The following KDM4C variants were observed in gnomAD, a reference collection of about 807,000 sequenced individuals.
KDM4C encodes lysine demethylase 4C.
KDM4C carries 81 observed loss-of-function variants against 129.3 expected under a neutral mutation model. The observed-to-expected ratio is 0.63, with a 90% CI of 0.52 to 0.75. The LOEUF is 0.75. Among genes scored for constraint, KDM4C ranks in the 30% least tolerant of loss-of-function variants. The pLI is 0.00. For missense variants in KDM4C, 1,457 were observed against 1,304.0 expected, an observed-to-expected ratio of 1.12 and a Z score of -1.81; for synonymous variants, 573 against 456.1, an observed-to-expected ratio of 1.26 and a Z score of -3.26.
intron 8 of KDM4C, among the ~76,000 whole-genome samples, chr9:6,915,393 C>T (rs7018886): frequency 0.53 from 79,860 of 151,968 alleles, 22,131 homozygotes; most frequent in Non-Finnish European, 0.64. Context: ...ATCATTTTTG[C>T]TGTATTGTCT....
chr9:7,173,746 G>A (rs912212766), intron 21 of KDM4C, among the ~76,000 whole-genome samples: 3 of 152,220 alleles, frequency 2.0e-5, no homozygotes, highest in African/African-American at 4.8e-5. Context: ...AGGAAGGACA[G>A]CAATGAAGAA....
At chr9:7,021,483 G>C (rs1288213956) in intron 15 of KDM4C, among the ~76,000 whole-genome samples, 3 of 152,080 alleles carry the variant, frequency 2.0e-5, no homozygotes, top group African/African-American at 7.2e-5. Context: ...GTTCAATTCA[G>C]ATCTTTTGCC....
chr9:6,868,126 A>G (rs1471854779), intron 5 of KDM4C, among the ~76,000 whole-genome samples: 1 of 152,024 alleles, frequency 6.6e-6, no homozygotes, highest in African/African-American at 2.4e-5. Flanking sequence ...CCCTCCCTGG[A>G]GGCACCTTGT....
At chr9:6,732,129 G>A (rs1374276029) in intron 1 of KDM4C, among the ~76,000 whole-genome samples, 1 of 151,822 alleles carries the variant, frequency 6.6e-6, no homozygotes, top group Non-Finnish European at 1.5e-5. Context: ...GCACTTGGGA[G>A]GCCAAGGTGG....
At chr9:6,732,420 T>G (rs1456791168) in intron 1 of KDM4C, among the ~76,000 whole-genome samples, 2 of 136,052 alleles carry the variant, frequency 1.5e-5, no homozygotes, top group East Asian at 2.3e-4. Flanking sequence ...CCGGAAGTTG[T>G]GGCTCACACA....
At chr9:6,925,793 T>G (rs1822383213) in intron 8 of KDM4C, 2 of 317,198 alleles carry the variant, frequency 6.3e-6, no homozygotes, top group Non-Finnish European at 9.1e-6. Flanking sequence ...TGTTTTAATT[T>G]TGTTTTTGGT....
intron 8 of KDM4C, among the ~76,000 whole-genome samples, chr9:6,979,444 G>T (rs185096521): frequency 3.5e-4 from 53 of 152,236 alleles, no homozygotes; most frequent in African/African-American, 1.3e-3. Context: ...AGCATAAGGG[G>T]CATTTGGGCT....
chr9:6,867,800 C>T (rs149244480), intron 5 of KDM4C, among the ~76,000 whole-genome samples: 102 of 152,280 alleles, frequency 6.7e-4, no homozygotes, highest in Middle Eastern at 3.4e-3. Flanking sequence ...AACTTACTAA[C>T]AGTTGACACA....
intron 12 of KDM4C, among the ~76,000 whole-genome samples, chr9:7,001,654 G>C (rs990732125): frequency 6.6e-6 from 1 of 152,090 alleles, no homozygotes; most frequent in South Asian, 2.1e-4. Flanking sequence ...GATCTGCCAC[G>C]TGATAACTCC....
chr9:6,757,721 C>G, upstream of KDM4C: 1 of 985,600 alleles, frequency 1.0e-6, no homozygotes, highest in South Asian at 4.7e-5. Context: ...CCCCAGCCAG[C>G]GCTTCCGGGC....
intron 4 of KDM4C, among the ~76,000 whole-genome samples, chr9:6,815,948 C>G (rs1386115524): frequency 6.6e-6 from 1 of 152,022 alleles, no homozygotes; most frequent in African/African-American, 2.4e-5. Flanking sequence ...GATAGTTCAC[C>G]CTGAATTATA....
intron 16 of KDM4C, among the ~76,000 whole-genome samples, chr9:7,048,817 C>T (rs1264373633): frequency 6.6e-6 from 1 of 152,014 alleles, no homozygotes; most frequent in Non-Finnish European, 1.5e-5. Flanking sequence ...CAGTATTTTG[C>T]AGATCAAGTG....
chr9:7,048,931 C>T (rs1829781536), intron 16 of KDM4C, among the ~76,000 whole-genome samples, 161 bp from the exon 17 acceptor site: 1 of 151,992 alleles, frequency 6.6e-6, no homozygotes. Flanking sequence ...GTCCAGGTAT[C>T]ATTCAGGAGG....
At chr9:6,746,989 G>A (rs1157738700) in intron 1 of KDM4C, among the ~76,000 whole-genome samples, 2 of 113,626 alleles carry the variant, frequency 1.8e-5, no homozygotes, top group Non-Finnish European at 3.3e-5. Flanking sequence ...GGGCCACAGA[G>A]CTAGACTCCG....
chr9:7,152,470 C>T (rs543466441), intron 19 of KDM4C, among the ~76,000 whole-genome samples: 6 of 152,246 alleles, frequency 3.9e-5, no homozygotes, highest in East Asian at 1.9e-4. Flanking sequence ...TGTAGGATTT[C>T]GCTTACATGA....
At chr9:6,860,563 C>G (rs969066488) in intron 5 of KDM4C, among the ~76,000 whole-genome samples, 3 of 152,128 alleles carry the variant, frequency 2.0e-5, no homozygotes, top group Non-Finnish European at 4.4e-5. Flanking sequence ...ACCCCCATGA[C>G]ATGAGTTTAC....
chr9:6,879,246 T>A (rs1202528535), intron 5 of KDM4C, among the ~76,000 whole-genome samples: 1 of 152,202 alleles, frequency 6.6e-6, no homozygotes, highest in Non-Finnish European at 1.5e-5. Context: ...TCATTAAATT[T>A]CCTCATTAAA....
At chr9:6,799,963 C>T (rs1406924628) in intron 2 of KDM4C, among the ~76,000 whole-genome samples, 1 of 151,954 alleles carries the variant, frequency 6.6e-6, no homozygotes, top group Non-Finnish European at 1.5e-5. Flanking sequence ...TGGCTCACGC[C>T]TGTAGTCCCA....
chr9:7,062,394 T>C (rs534185168), intron 17 of KDM4C, among the ~76,000 whole-genome samples: 3 of 151,102 alleles, frequency 2.0e-5, no homozygotes, highest in Admixed American at 1.3e-4. Context: ...TTCTTTTTAC[T>C]TGTTTATTTT....
Sources: gnomAD v4.1 joint callset for allele counts (sites outside exome capture counted in the v4.1 genomes callset) on GRCh38, gnomAD v4.1.1 for gene constraint, MANE v1.5 for transcripts, NCBI Gene and HGNC (gene_info 2026-07-23, HGNC 2026-07-21) for gene names.